Variants in STRN3 observed in about 807,000 individuals in gnomAD.
The protein encoded by STRN3 is striatin-3.
STRN3 carries 29 observed loss-of-function variants against 95.6 expected under a neutral mutation model. That is an observed-to-expected ratio of 0.30 (90% CI 0.23 to 0.41). The LOEUF (loss-of-function observed/expected upper bound fraction) is 0.41, where lower values mean the gene tolerates loss of function less well. Among genes scored for constraint, STRN3 ranks in the 10% least tolerant of loss-of-function variants. STRN3 has a pLI of 1.00. For synonymous variants in STRN3, 331 were observed against 357.6 expected (o/e 0.93, Z 0.84); for missense variants, 890 against 972.1 (o/e 0.92, Z 1.12).
chr14:31,015,934 G>A (rs946840938), intron 1 of STRN3, among the ~76,000 whole-genome samples: 4 of 152,130 alleles, frequency 2.6e-5, no homozygotes, highest in Non-Finnish European at 5.9e-5. Context: ...CCAGGTAGCT[G>A]GGACTTCAGG....
chr14:30,971,168 A>C (rs1880808555), intron 1 of STRN3, among the ~76,000 whole-genome samples: 1 of 152,236 alleles, frequency 6.6e-6, no homozygotes, highest in Admixed American at 6.5e-5. Context: ...GCCCTTGTTC[A>C]TCCCCGAGCA....
chr14:30,993,254 C>CAA (rs35552314), intron 1 of STRN3, among the ~76,000 whole-genome samples: 11,076 of 129,322 alleles, frequency 0.086, 554 homozygotes, highest in Non-Finnish European at 0.12. Flanking sequence ...GACACTGTCT[C>CAA]AAAAAAAAAA....
chr14:30,931,752 C>CA (rs1417597451), intron 7 of STRN3, among the ~76,000 whole-genome samples: 1 of 152,228 alleles, frequency 6.6e-6, no homozygotes, highest in African/African-American at 2.4e-5. Context: ...ATATTAAACT[C>CA]AGACTATCTA....
At chr14:30,970,336 A>G (rs1407165618) in intron 1 of STRN3, among the ~76,000 whole-genome samples, 1 of 152,190 alleles carries the variant, frequency 6.6e-6, no homozygotes, top group Non-Finnish European at 1.5e-5. Flanking sequence ...CCCGATGTAG[A>G]GCTTTTATGC....
chr14:31,008,382 C>G (rs999908719), intron 1 of STRN3, among the ~76,000 whole-genome samples: 4 of 151,888 alleles, frequency 2.6e-5, no homozygotes, highest in African/African-American at 9.7e-5. Context: ...GGAGTACACG[C>G]CTGTAGTCCC....
chr14:30,990,275 G>A (rs1013761046), intron 1 of STRN3, among the ~76,000 whole-genome samples: 1 of 151,142 alleles, frequency 6.6e-6, no homozygotes, highest in African/African-American at 2.4e-5. Context: ...CCATTCTCCT[G>A]CCTCAGCCTC....
intron 1 of STRN3, among the ~76,000 whole-genome samples, chr14:30,986,951 G>A (rs776002199): frequency 6.6e-5 from 10 of 151,792 alleles, no homozygotes; most frequent in Non-Finnish European, 1.3e-4. Context: ...TTATATTTTG[G>A]TATCTCCATT....
At chr14:30,934,011 C>T (rs542941471) in intron 7 of STRN3, among the ~76,000 whole-genome samples, 2 of 152,078 alleles carry the variant, frequency 1.3e-5, no homozygotes, top group Non-Finnish European at 2.9e-5. Context: ...TGTAATTAAG[C>T]AAAACTTTGA....
chr14:30,983,353 G>A (rs750169189), intron 1 of STRN3, among the ~76,000 whole-genome samples: 81 of 152,240 alleles, frequency 5.3e-4, no homozygotes, highest in South Asian at 4.1e-4. Context: ...GACCAGTCTG[G>A]CCAAAATGGA....
intron 6 of STRN3, 149 bp from the exon 7 acceptor site, chr14:30,935,453 T>C (rs566718832): frequency 1.2e-6 from 1 of 814,622 alleles, no homozygotes; most frequent in Non-Finnish European, 1.9e-6. Context: ...AAATCCCAAA[T>C]TATACTTCAG....
intron 1 of STRN3, among the ~76,000 whole-genome samples, chr14:30,961,486 T>C (rs1255982701): frequency 6.6e-6 from 1 of 152,216 alleles, no homozygotes; most frequent in African/African-American, 2.4e-5. Context: ...ATTGTAACAT[T>C]GTAGTGGGAC....
At chr14:30,962,905 T>G (rs529737085) in intron 1 of STRN3, among the ~76,000 whole-genome samples, 1 of 152,180 alleles carries the variant, frequency 6.6e-6, no homozygotes, top group Admixed American at 6.5e-5. Context: ...CAACTGCCTA[T>G]AGTATTCAGT....
At chr14:30,999,950 A>G (rs1002037876) in intron 1 of STRN3, among the ~76,000 whole-genome samples, 6 of 152,246 alleles carry the variant, frequency 3.9e-5, no homozygotes, top group African/African-American at 1.4e-4. Context: ...CTCCCAAAGC[A>G]GCTGACTTTT....
intron 1 of STRN3, among the ~76,000 whole-genome samples, chr14:30,990,722 T>C (rs577253839): frequency 1.1e-4 from 17 of 152,338 alleles, no homozygotes; most frequent in Non-Finnish European, 1.9e-4. Context: ...AAGCCCTTTA[T>C]ATAAAATGGT....
chr14:30,904,071 G>A (rs1472516180), intron 15 of STRN3, among the ~76,000 whole-genome samples: 1 of 152,146 alleles, frequency 6.6e-6, no homozygotes, highest in East Asian at 1.9e-4. Context: ...CAACCCAGGA[G>A]CCATGAAGAC....
chr14:30,941,199 G>A (rs771387029), intron 5 of STRN3, among the ~76,000 whole-genome samples: 4 of 152,100 alleles, frequency 2.6e-5, no homozygotes, highest in African/African-American at 4.8e-5. Flanking sequence ...CTCAGTCTAC[G>A]GTATTTTGTT....
chr14:31,020,989 A>G (rs1254574893), intron 1 of STRN3, among the ~76,000 whole-genome samples: 1 of 152,178 alleles, frequency 6.6e-6, no homozygotes, highest in East Asian at 1.9e-4. Context: ...CCCAGGATCT[A>G]GCACAAAATC....
chr14:31,008,231 TG>T (rs1882810235), intron 1 of STRN3, among the ~76,000 whole-genome samples: 1 of 150,956 alleles, frequency 6.6e-6, no homozygotes, highest in Non-Finnish European at 1.5e-5. Context: ...AAAAATTGGC[TG>T]GGTGCAGTGG....
At chr14:30,918,925 TC>T (rs1896809613) in intron 9 of STRN3, 40 bp downstream of exon 9, 1 of 1,487,722 alleles carries the variant, frequency 6.7e-7, no homozygotes, top group African/African-American at 1.4e-5. Context: ...GGATTTAAGG[TC>T]TTCTGAAATG....
Sources: allele counts gnomAD v4.1 joint callset (sites outside exome capture counted in the v4.1 genomes callset), GRCh38; gene constraint gnomAD v4.1.1; transcripts MANE v1.5; gene names NCBI Gene and HGNC (gene_info 2026-07-23, HGNC 2026-07-21).